The following CHD3 variants were observed in gnomAD, a reference collection of about 807,000 sequenced individuals.
CHD3 encodes the protein ATP-dependent chromatin remodeler CHD3.
Under a neutral mutation model 248.9 loss-of-function variants are expected in CHD3, and 52 were observed. That is an observed-to-expected ratio of 0.21 (90% confidence interval 0.17 to 0.26). The LOEUF (loss-of-function observed/expected upper bound fraction) is 0.26, where lower values mean the gene tolerates loss of function less well. CHD3 is among the 10% of genes least tolerant of loss of function. The probability of loss-of-function intolerance (pLI) is 1.00; values close to 1 mark genes in which losing one functional copy is unlikely to be tolerated. For synonymous variants in CHD3, 985 were observed against 985.2 expected, an observed-to-expected ratio of 1.00 and a Z score of 0.00; for missense variants, 1,482 against 2,605.8, an observed-to-expected ratio of 0.57 and a Z score of 9.39.
At position 7,908,117 on chromosome 17, in the gene CHD3, C is replaced by A; in HGVS notation, c.5152+98C>A. On this transcript the variant is annotated intron_variant, in intron 34 of 39. Coordinates refer to ENST00000330494, the MANE Select transcript of CHD3 (RefSeq NM_001005273.3). The surrounding 1 kb of genome is among the most constrained non-coding windows in gnomAD (Gnocchi z 5.8). ...TGAGGCTTCCTGCTACCTTTAATTC[C>A]AAGTAACTTCCAATGAAGTATGTTG... is the stretch of plus-strand genomic sequence containing the variant. 1 of 1,386,768 alleles carries A rather than the reference C, an allele frequency of 7.2e-7. No homozygotes were observed. The highest frequency in any genetic ancestry group is 9.8e-7 in the Non-Finnish European group (1 of 1,017,730). The allele number at this position is 1,386,768 out of a possible 1,614,324, so 85.9% of individuals were successfully genotyped here. A position where few individuals can be genotyped will look rare whatever the true frequency, so the allele number is the denominator to read the frequency against.
At chr17:7,885,060 C>A, upstream of CHD3, 1 of 965,896 alleles carries the variant, frequency 1.0e-6, no homozygotes, top group Non-Finnish European at 1.2e-6. Flanking sequence ...CCGCTGCCCC[C>A]GCCGCCGCCG....
rs777652324 is a variant in CHD3, at chr17:7,890,606, G to A, written c.249G>A (p.Glu83=). ...AGGAATTTGGTTCTGAGCGAGATGA[G>A]TACCGGGAGAAGTCAGAGAGTGGGG... ...SEEEFGSERD[E]YREKSESGGS... The change falls in exon 3 of 40, where the codon GAG becomes GAA. Residue 83 remains glutamate (E), a synonymous_variant. Coordinates refer to ENST00000330494, the MANE Select transcript of CHD3 (RefSeq NM_001005273.3). 1 of 1,604,880 alleles carries A rather than the reference G, an allele frequency of 6.2e-7. No individual in the cohort carries two copies.
At position 7,904,369 on chromosome 17, in the gene CHD3, A is replaced by AG. The variant is rs1970669553; in HGVS notation, c.3895-70dup. On this transcript the variant is annotated intron_variant, in intron 24 of 39. Transcript: ENST00000330494. This position sits in a 1 kb window ranked among gnomAD's most constrained non-coding sequence, Gnocchi z 4.4. ...CCGGATTGGGCTGACGCAGCAGAGT[A>AG]GGGATTTCCTTGCAGTGGAAGGATT... The AG allele has an allele frequency of 3.5e-6, 5 of 1,416,586 alleles. No individual in the cohort carries two copies. Among genetic ancestry groups the AG allele is most frequent in the Non-Finnish European group, 4.9e-6 (5 of 1,018,992 alleles). 87.8% of individuals were successfully genotyped at this position (1,416,586 alleles called of 1,614,324 possible). A position where few individuals can be genotyped will look rare whatever the true frequency, so the allele number is the denominator to read the frequency against.
In CHD3 at chr17:7,889,245, C is replaced by A; in HGVS notation, c.100+145C>A. On this transcript the variant is annotated intron_variant, in intron 1 of 39. Coordinates refer to ENST00000330494, the MANE Select transcript of CHD3 (RefSeq NM_001005273.3). The surrounding 1 kb of genome is among the most constrained non-coding windows in gnomAD (Gnocchi z 4.5). Reference sequence around the variant, plus strand: ...CTTAGGGAGCTGCCAGCTTGTGTCTCCCCACTCCAAGTGCTGGGGTCAGGC... The same window carrying A: ...CTTAGGGAGCTGCCAGCTTGTGTCTACCCACTCCAAGTGCTGGGGTCAGGC... 1 of 1,030,518 alleles carries A rather than the reference C, an allele frequency of 9.7e-7. No individual in the cohort carries two copies. Among genetic ancestry groups the A allele is most frequent in the Non-Finnish European group, 1.4e-6 (1 of 711,148 alleles). The allele number at this position is 1,030,518 out of a possible 1,614,324, so 63.8% of individuals were successfully genotyped here.
At chr17:7,898,792 T>A (rs529940017) in intron 13 of CHD3, among the ~76,000 whole-genome samples, 197 bp downstream of exon 13, 1 of 152,296 alleles carries the variant, frequency 6.6e-6, no homozygotes, top group Non-Finnish European at 1.5e-5. Context: ...AGCCCACTGG[T>A]GGCTCTGTCA....
In CHD3 at chr17:7,905,612, C is replaced by T. The variant is rs781505134; in HGVS notation, c.4139-9C>T. Reference sequence around the variant, plus strand: ...TGGCTCAGCTAACTGATGTCATCCCCACCCTCAGGGCGTAGACAGTCAAAG... The same window carrying T: ...TGGCTCAGCTAACTGATGTCATCCCTACCCTCAGGGCGTAGACAGTCAAAG... On this transcript the variant is annotated splice_polypyrimidine_tract_variant and intron_variant, in intron 26 of 39. Coordinates refer to ENST00000330494, the MANE Select transcript of CHD3 (RefSeq NM_001005273.3). This position sits in a 1 kb window ranked among gnomAD's most constrained non-coding sequence, Gnocchi z 5.8. The T allele has an allele frequency of 6.3e-7, 1 of 1,576,168 alleles. No individual in the cohort carries two copies. Among genetic ancestry groups the T allele is most frequent in the Non-Finnish European group, 8.6e-7 (1 of 1,158,856 alleles).
chr17:7,907,372 C>A lies in CHD3; in HGVS notation c.4808C>A (p.Ala1603Asp). 6.2e-7 allele frequency: 1 copy of A among 1,606,312 alleles called. No individual in the cohort carries two copies. The highest frequency in any genetic ancestry group is 8.5e-7 in the Non-Finnish European group (1 of 1,176,058). ...METEADAPSPAPSLGERLEPR... is the reference protein window; with the variant it reads ...METEADAPSPDPSLGERLEPR... Reference sequence around the variant, plus strand: ...TTCCAGGCTGATGCCCCCAGCCCAGCCCCATCACTTGGGGAGCGGCTGGAG... The same window carrying A: ...TTCCAGGCTGATGCCCCCAGCCCAGACCCATCACTTGGGGAGCGGCTGGAG... Residue 1603 changes from alanine (A) to aspartate (D), a missense_variant, in exon 32 of 40, where the codon GCC (alanine) becomes GAC (aspartate). Physicochemically the swap from Ala to Asp is moderately radical, Grantham distance 126. Coordinates refer to ENST00000330494, the MANE Select transcript of CHD3 (RefSeq NM_001005273.3). This position sits in a 1 kb window ranked among gnomAD's most constrained non-coding sequence, Gnocchi z 4.3.
intron 12 of CHD3, 89 bp from the exon 13 acceptor site, chr17:7,898,407 A>T (rs920467055): frequency 1.0e-6 from 1 of 981,976 alleles, no homozygotes; most frequent in Admixed American, 2.1e-5. Flanking sequence ...TAGGTCATGG[A>T]CAGTGGGAAG....
upstream of CHD3, among the ~76,000 whole-genome samples, chr17:7,885,922 G>A (rs1967861323): frequency 6.6e-6 from 1 of 152,228 alleles, no homozygotes; most frequent in Non-Finnish European, 1.5e-5. Flanking sequence ...TTCGGATTGG[G>A]GAGCGGAGAG....
In CHD3 at chr17:7,899,875, G is replaced by A. The variant is rs375803477; in HGVS notation, c.2545-21G>A. The A allele has an allele frequency of 1.4e-4, 224 of 1,607,852 alleles. No homozygotes were observed. The highest frequency in any genetic ancestry group is 1.9e-4 in the Non-Finnish European group (219 of 1,176,148). On this transcript the variant is annotated intron_variant, in intron 15 of 39. Transcript: ENST00000330494. This position sits in a 1 kb window ranked among gnomAD's most constrained non-coding sequence, Gnocchi z 6.8. The stretch of plus-strand genomic sequence containing the variant: ...CATGGTTGTCAGGTGGCAGCTGAAT[G>A]GGCAATAATTATGTTGGCAGAGGGA...
rs1199350980 is a variant in CHD3, at chr17:7,905,123, G to A, written c.4096G>A (p.Gly1366Ser). Residue 1366 changes from glycine (G) to serine (S), a missense_variant, in exon 26 of 40, where the codon GGT (glycine) becomes AGT (serine). Transcript: ENST00000330494. The surrounding 1 kb of genome is among the most constrained non-coding windows in gnomAD (Gnocchi z 5.8). ...AGACAACCAGTCAGAGTACTCGGTG[G>A]GTTCAGAGGAGGAGGATGAAGACTT... ...DQDNQSEYSV[G>S]SEEEDEDFDE... The A allele has an allele frequency of 6.2e-7, 1 of 1,614,076 alleles. No individual in the cohort carries two copies. Among genetic ancestry groups the A allele is most frequent in the Non-Finnish European group, 8.5e-7 (1 of 1,180,032 alleles).
chr17:7,908,366 C>T lies in CHD3; in HGVS notation c.5153-36C>T. ...GTTGGACTGAGTGCAGTCTGCAAAA[C>T]CCTGTTACCTCTTCTGTCTGCTGCC... On this transcript the variant is annotated intron_variant, in intron 34 of 39. Coordinates refer to ENST00000330494, the MANE Select transcript of CHD3 (RefSeq NM_001005273.3). The surrounding 1 kb of genome is among the most constrained non-coding windows in gnomAD (Gnocchi z 5.8). 1 of 1,557,212 alleles carries T rather than the reference C, an allele frequency of 6.4e-7. No homozygotes were observed. Among genetic ancestry groups the T allele is most frequent in the Middle Eastern group, 1.7e-4 (1 of 5,798 alleles).
rs1438110380 is a variant in CHD3 at position 7,894,899 on chromosome 17, C to T, written c.1270-18C>T. 6.2e-7 allele frequency: 1 copy of T among 1,611,790 alleles called. No homozygotes were observed. ...TAATTTCTTCCATCTGTCTGTGTGTCTATCCTTGGCCCCCTAGGAGAAGGA... is the reference window on the plus strand; with the variant it reads ...TAATTTCTTCCATCTGTCTGTGTGTTTATCCTTGGCCCCCTAGGAGAAGGA... On this transcript the variant is annotated intron_variant, in intron 8 of 39. Transcript: ENST00000330494.
chr17:7,897,013 C>A lies in CHD3; in HGVS notation c.1708-70C>A. On this transcript the variant is annotated intron_variant, in intron 10 of 39. Transcript: ENST00000330494. This position sits in a 1 kb window ranked among gnomAD's most constrained non-coding sequence, Gnocchi z 4.8. ...CCTGTCCCATTCCTCCTGCCGGCCT[C>A]TTCCCGGTTCCTTGTTGTCCTCTGT... 1 of 1,348,264 alleles carries A rather than the reference C, an allele frequency of 7.4e-7. No individual in the cohort carries two copies. The highest frequency in any genetic ancestry group is 1.2e-5 in the South Asian group (1 of 83,922). The allele number at this position is 1,348,264 out of a possible 1,614,324, so 83.5% of individuals were successfully genotyped here.
rs1249817210 is a variant in CHD3, at chr17:7,905,140, T to A, written c.4113T>A (p.Asp1371Glu). The part of the protein sequence containing the change: ...SEYSVGSEEE[D>E]EDFDERPEGR... ...ACTCGGTGGGTTCAGAGGAGGAGGA[T>A]GAAGACTTCGATGAACGTCCTGAAG... The change falls in exon 26 of 40, where the codon GAT becomes GAA. Residue 1371 changes from aspartate to glutamate, a missense_variant. Around this residue, in one of 20 missense-constraint regions of CHD3, gnomAD observed 156 missense variants for 420.3 expected, o/e 0.37. Coordinates refer to ENST00000330494, the MANE Select transcript of CHD3 (RefSeq NM_001005273.3). This position sits in a 1 kb window ranked among gnomAD's most constrained non-coding sequence, Gnocchi z 5.8. 6.2e-7 allele frequency: 1 copy of A among 1,614,026 alleles called. No homozygotes were observed. Among genetic ancestry groups the A allele is most frequent in the African/African-American group, 1.3e-5 (1 of 74,908 alleles).
chr17:7,905,105 C>G lies in CHD3; in HGVS notation c.4078C>G (p.Gln1360Glu). Residue 1360 changes from glutamine to glutamate, a missense_variant, in exon 26 of 40, where the codon CAG (glutamine) becomes GAG (glutamate). Coordinates refer to ENST00000330494, the MANE Select transcript of CHD3 (RefSeq NM_001005273.3). The surrounding 1 kb of genome is among the most constrained non-coding windows in gnomAD (Gnocchi z 5.8). ...NDAAQEDQDN[Q>E]SEYSVGSEEE... ...GGCCCTTTCCACCCCCACAGACAAC[C>G]AGTCAGAGTACTCGGTGGGTTCAGA... 6.2e-7 allele frequency: 1 copy of G among 1,614,160 alleles called. No homozygotes were observed. The highest frequency in any genetic ancestry group is 8.5e-7 in the Non-Finnish European group (1 of 1,179,988).
chr17:7,893,243 A>G, intron 4 of CHD3, 43 bp from the exon 5 acceptor site: 1 of 1,544,922 alleles, frequency 6.5e-7, no homozygotes, highest in Non-Finnish European at 8.7e-7. Context: ...GTGTTCCCAG[A>G]CCATCTGTGA....
At position 7,905,233 on chromosome 17, in the gene CHD3, C is replaced by A; in HGVS notation, c.4138+68C>A. 1 of 1,446,744 alleles carries A rather than the reference C, an allele frequency of 6.9e-7. No homozygotes were observed. Among genetic ancestry groups the A allele is most frequent in the Non-Finnish European group, 9.7e-7 (1 of 1,027,814 alleles). The allele number at this position is 1,446,744 out of a possible 1,614,324, so 89.6% of individuals were successfully genotyped here. On this transcript the variant is annotated intron_variant, in intron 26 of 39. Coordinates refer to ENST00000330494, the MANE Select transcript of CHD3 (RefSeq NM_001005273.3). The surrounding 1 kb of genome is among the most constrained non-coding windows in gnomAD (Gnocchi z 5.8). ...TATTTTCCAGTTTGCTTTAAGCCCA[C>A]TGTTTTTATACAAGTAAAAAAGTCT...
chr17:7,907,286 G>A lies in CHD3; in HGVS notation c.4788+39G>A. 1 of 1,613,928 alleles carries A rather than the reference G, an allele frequency of 6.2e-7. No homozygotes were observed. Among genetic ancestry groups the A allele is most frequent in the East Asian group, 2.2e-5 (1 of 44,878 alleles). ...TGGATTCCCCTGTGGAGCGGGAGGGGAGGGGGCTTGGAGGCCAGGTACCTG... is the reference window on the plus strand; with the variant it reads ...TGGATTCCCCTGTGGAGCGGGAGGGAAGGGGGCTTGGAGGCCAGGTACCTG... On this transcript the variant is annotated intron_variant, in intron 31 of 39. Transcript: ENST00000330494. The surrounding 1 kb of genome is among the most constrained non-coding windows in gnomAD (Gnocchi z 4.3).
Sources: allele counts gnomAD v4.1 joint callset (sites outside exome capture counted in the v4.1 genomes callset), GRCh38; gene constraint gnomAD v4.1.1; regional missense constraint gnomAD v4.1.1; non-coding constraint Gnocchi (gnomAD v3.1); transcripts MANE v1.5; gene names NCBI Gene and HGNC (gene_info 2026-07-23, HGNC 2026-07-21).